RRP15: variants seen among roughly 807,000 people sequenced by gnomAD.
RRP15 encodes RRP15-like protein.
Under a neutral mutation model 27.1 loss-of-function variants are expected in RRP15, and 18 were observed. The observed-to-expected ratio is 0.66, with a 90% CI of 0.46 to 0.98. RRP15 has a LOEUF of 0.98. Ranked by LOEUF, RRP15 falls within the 50% of genes least tolerant of loss-of-function variation. The pLI is 0.00. For missense variants in RRP15, 359 were observed against 337.8 expected (o/e 1.06, Z -0.49); for synonymous variants, 107 against 109.4 (o/e 0.98, Z 0.14).
intron 4 of RRP15, among the ~76,000 whole-genome samples, chr1:218,323,044 A>G (rs1277116437): frequency 6.6e-6 from 1 of 152,136 alleles, no homozygotes; most frequent in African/African-American, 2.4e-5. Flanking sequence ...CATGGCCGAC[A>G]CCAGGGAACG....
At chr1:218,309,883 A>T (rs1346496581) in intron 4 of RRP15, among the ~76,000 whole-genome samples, 1 of 152,128 alleles carries the variant, frequency 6.6e-6, no homozygotes, top group Admixed American at 6.6e-5. Context: ...CACCAGCTCT[A>T]ACAAGATGTA....
rs1214103767 is a variant in RRP15 at position 218,323,717 on chromosome 1, C to T, written c.706-7231C>T. 4.6e-5 allele frequency among the ~76,000 whole-genome samples: 7 copies of T among 152,194 alleles called. No individual in the cohort carries two copies. In the East Asian group the frequency reaches 1.2e-3, roughly 25 times the overall value. On this transcript the variant is annotated intron_variant, in intron 4 of 4. Transcript: ENST00000366932. Reference sequence around the variant, plus strand: ...TGCTGAGCTGCCCTTAGCCCCACCTCGGCCTCCCTCTCATGCTTGTTGGCA... The same window carrying T: ...TGCTGAGCTGCCCTTAGCCCCACCTTGGCCTCCCTCTCATGCTTGTTGGCA...
intron 4 of RRP15, among the ~76,000 whole-genome samples, chr1:218,321,567 A>C (rs1656187856): frequency 6.6e-6 from 1 of 152,142 alleles, no homozygotes; most frequent in South Asian, 2.1e-4. Flanking sequence ...AAAAATAATA[A>C]ATTTTTTATT....
At chr1:218,308,853 G>C (rs17485987) in intron 4 of RRP15, among the ~76,000 whole-genome samples, 1,832 of 152,308 alleles carry the variant, frequency 0.012, 23 homozygotes, top group Middle Eastern at 0.017. Flanking sequence ...TTAATAGGCT[G>C]TATTCTCGCT....
rs1656466909 is a variant in RRP15, at chr1:218,337,462, T to C, written c.*6371T>C. 6.6e-6 allele frequency: 1 copy of C among 152,184 alleles called. No homozygotes were observed. The highest frequency in any genetic ancestry group is 2.4e-5 in the African/African-American group (1 of 41,446). The allele number at this position is 152,184 out of a possible 1,614,324, so 9.4% of individuals were successfully genotyped here. A position where few individuals can be genotyped will look rare whatever the true frequency, so the allele number is the denominator to read the frequency against. On this transcript the variant is annotated 3_prime_UTR_variant, in exon 5 of 5. Transcript: ENST00000366932. Reference sequence around the variant, plus strand: ...TACAAGTTCAGTGATATGAGGACATTTACATAAACTATCGAACCACCAGTC... The same window carrying C: ...TACAAGTTCAGTGATATGAGGACATCTACATAAACTATCGAACCACCAGTC...
Position 218,334,314 on chromosome 1 carries a change from T to C in RRP15, c.*3223T>C, listed in dbSNP as rs970183345. On this transcript the variant is annotated 3_prime_UTR_variant, in exon 5 of 5. Transcript: ENST00000366932. ...AGTTCAGAGGGTTACCACTAGTACT[T>C]AGAGCCTAAAGTCACTCAGTAGGAG... 1 of 152,226 alleles carries C rather than the reference T, an allele frequency of 6.6e-6. No individual in the cohort carries two copies. The highest frequency in any genetic ancestry group is 2.4e-5 in the African/African-American group (1 of 41,458). The allele number at this position is 152,226 out of a possible 1,614,324, so 9.4% of individuals were successfully genotyped here.
At position 218,333,061 on chromosome 1, in the gene RRP15, C is replaced by T. The variant is rs141785636; in HGVS notation, c.*1970C>T. ...ATGTTTTGAAACATATTTTATAGTC[C>T]CTCATTTGATTTGAAAAAATTTGAC... On this transcript the variant is annotated 3_prime_UTR_variant, in exon 5 of 5. Coordinates refer to ENST00000366932, the MANE Select transcript of RRP15 (RefSeq NM_016052.4). The T allele has an allele frequency of 1.3e-5, 2 of 151,666 alleles. No individual in the cohort carries two copies. Among genetic ancestry groups the T allele is most frequent in the East Asian group, 3.9e-4 (2 of 5,176 alleles). The allele number at this position is 151,666 out of a possible 1,614,324, so 9.4% of individuals were successfully genotyped here.
chr1:218,309,895 A>G (rs1655965463), intron 4 of RRP15, among the ~76,000 whole-genome samples: 1 of 152,178 alleles, frequency 6.6e-6, no homozygotes, highest in South Asian at 2.1e-4. Flanking sequence ...CAAGATGTAC[A>G]TTAAGTGGCT....
At chr1:218,297,582 G>A (rs1014860429) in intron 1 of RRP15, among the ~76,000 whole-genome samples, 1 of 152,158 alleles carries the variant, frequency 6.6e-6, no homozygotes, top group Non-Finnish European at 1.5e-5. Context: ...AGTTGAAATT[G>A]AATCCTGGTA....
rs188899705 is a variant in RRP15 at position 218,324,069 on chromosome 1, G to A, written c.706-6879G>A. Among the ~76,000 whole-genome samples the A allele has an allele frequency of 3.9e-5, 6 of 152,292 alleles. No individual in the cohort carries two copies. The East Asian group carries it at 1.2e-3, about 30-fold the overall frequency. ...ACTCCCACCAGCTCTGTGGAGCCTG[G>A]CACCGTCCCAGGCCCAAGTCCTCCT... On this transcript the variant is annotated intron_variant, in intron 4 of 4. Transcript: ENST00000366932.
chr1:218,319,267 G>C (rs901836110), intron 4 of RRP15, among the ~76,000 whole-genome samples: 2 of 152,056 alleles, frequency 1.3e-5, no homozygotes, highest in African/African-American at 4.8e-5. Context: ...GTTTCACCAT[G>C]TTGGCCAGGC....
At chr1:218,297,720 G>A (rs1655743375) in intron 1 of RRP15, among the ~76,000 whole-genome samples, 1 of 152,116 alleles carries the variant, frequency 6.6e-6, no homozygotes, top group South Asian at 2.1e-4. Flanking sequence ...CCACTTTCAG[G>A]TGGTATTTAC....
rs578056853 is a variant in RRP15, at chr1:218,331,742, G to T, written c.*651G>T. On this transcript the variant is annotated 3_prime_UTR_variant, in exon 5 of 5. Coordinates refer to ENST00000366932, the MANE Select transcript of RRP15 (RefSeq NM_016052.4). ...GGATGGAATGCAGTGGCGTGATCTC[G>T]GCTCACTGCAAGCACCGCCTCCCAG... 7.8e-6 allele frequency: 1 copy of T among 127,966 alleles called. No individual in the cohort carries two copies. Among genetic ancestry groups the T allele is most frequent in the African/African-American group, 3.0e-5 (1 of 33,054 alleles). The allele number at this position is 127,966 out of a possible 1,614,324, so 7.9% of individuals were successfully genotyped here. A position where few individuals can be genotyped will look rare whatever the true frequency, so the allele number is the denominator to read the frequency against.
intron 4 of RRP15, among the ~76,000 whole-genome samples, chr1:218,314,261 C>G (rs1211517068): frequency 6.6e-6 from 1 of 152,080 alleles, no homozygotes; most frequent in Admixed American, 6.5e-5. Context: ...TAAGCTTTAA[C>G]TCTTAAAGGA....
intron 4 of RRP15, among the ~76,000 whole-genome samples, chr1:218,317,101 T>A (rs1656100836): frequency 6.6e-6 from 1 of 152,186 alleles, no homozygotes; most frequent in African/African-American, 2.4e-5. Context: ...TTTATGGGGG[T>A]GCTGTCATAC....
intron 4 of RRP15, among the ~76,000 whole-genome samples, chr1:218,322,757 C>T (rs997525256): frequency 6.6e-6 from 1 of 152,106 alleles, no homozygotes; most frequent in African/African-American, 2.4e-5. Context: ...GTCGCTTCAC[C>T]AGCTGGAAAC....
chr1:218,286,167 T>A (rs1655545719), intron 1 of RRP15, among the ~76,000 whole-genome samples: 1 of 152,178 alleles, frequency 6.6e-6, no homozygotes, highest in African/African-American at 2.4e-5. Flanking sequence ...ACAGAGCTAT[T>A]CTTTTATAAC....
chr1:218,326,756 T>G (rs1394359209), intron 4 of RRP15, among the ~76,000 whole-genome samples: 1 of 152,184 alleles, frequency 6.6e-6, no homozygotes, highest in African/African-American at 2.4e-5. Flanking sequence ...TTAATCCCAT[T>G]TTTGGTTCTA....
chr1:218,294,675 C>G (rs1655694265), intron 1 of RRP15, among the ~76,000 whole-genome samples: 1 of 151,822 alleles, frequency 6.6e-6, no homozygotes. Flanking sequence ...TTTATGGAGA[C>G]TTCATTACAT....
Sources: allele counts gnomAD v4.1 joint callset (sites outside exome capture counted in the v4.1 genomes callset), GRCh38; gene constraint gnomAD v4.1.1; transcripts MANE v1.5; gene names NCBI Gene and HGNC (gene_info 2026-07-23, HGNC 2026-07-21).